The following RGS6 variants were observed in gnomAD, a reference collection of about 807,000 sequenced individuals.
The protein encoded by RGS6 is regulator of G-protein signaling 6.
A neutral mutation model predicts 78.5 loss-of-function variants in RGS6; 30 were observed. The ratio of observed to expected loss-of-function variants is 0.38; its 90% CI spans 0.29 to 0.52. The LOEUF is 0.52. RGS6 is among the 20% of genes least tolerant of loss of function. The pLI, the probability that RGS6 is intolerant of heterozygous loss-of-function variation, is 0.85. For missense variants in RGS6, 495 were observed against 609.7 expected (o/e 0.81, Z 1.98); for synonymous variants, 206 against 206.0 (o/e 1.00, Z 0.00).
chr14:72,158,397 A>G (rs1300187580), intron 2 of RGS6, among the ~76,000 whole-genome samples: 1 of 152,232 alleles, frequency 6.6e-6, no homozygotes, highest in Non-Finnish European at 1.5e-5. Context: ...TCCTGTCTCC[A>G]AAGATGGTCA....
intron 2 of RGS6, among the ~76,000 whole-genome samples, chr14:72,301,180 G>A (rs965761655): frequency 3.9e-5 from 6 of 152,192 alleles, no homozygotes; most frequent in Non-Finnish European, 7.3e-5. Flanking sequence ...CATGTACCGA[G>A]CAGGGGAAAC....
the RGS6 span, among the ~76,000 whole-genome samples, chr14:72,586,401 G>A: frequency 1.2e-4 from 19 of 152,066 alleles, no homozygotes; most frequent in South Asian, 2.1e-4. Context: ...CCTCTCTCTC[G>A]TGCTTCCTCT....
intron 3 of RGS6, among the ~76,000 whole-genome samples, chr14:72,434,132 T>C (rs1457447419): frequency 2.0e-5 from 3 of 152,102 alleles, no homozygotes; most frequent in Admixed American, 1.3e-4. Context: ...GCCCAGGAGT[T>C]TGAGATCAGC....
At chr14:72,595,359 T>C in the RGS6 span, among the ~76,000 whole-genome samples, 1 of 152,220 alleles carries the variant, frequency 6.6e-6, no homozygotes, top group African/African-American at 2.4e-5. Flanking sequence ...CTTTGTATCC[T>C]GGAACTCAAA....
At chr14:72,446,871 C>G (rs2095377995) in intron 3 of RGS6, among the ~76,000 whole-genome samples, 1 of 152,150 alleles carries the variant, frequency 6.6e-6, no homozygotes, top group South Asian at 2.1e-4. Context: ...CACTGCTGAT[C>G]TGACAGGAGG....
At chr14:72,479,586 C>A (rs2096323236) in intron 12 of RGS6, among the ~76,000 whole-genome samples, 2 of 152,192 alleles carry the variant, frequency 1.3e-5, no homozygotes, top group Admixed American at 6.5e-5. Context: ...TGCAAATGTG[C>A]TGGAAAGTTG....
chr14:71,956,786 G>T (rs775314780), intron 1 of RGS6, among the ~76,000 whole-genome samples: 1 of 152,158 alleles, frequency 6.6e-6, no homozygotes, highest in Admixed American at 6.5e-5. Context: ...TTGACACTCA[G>T]TATTAACCAT....
chr14:72,531,310 G>A (rs971108867), intron 15 of RGS6, among the ~76,000 whole-genome samples: 3 of 152,020 alleles, frequency 2.0e-5, no homozygotes, highest in African/African-American at 7.2e-5. Flanking sequence ...GTGCATGCCT[G>A]TAGTCCCAGC....
chr14:72,130,409 A>G (rs779982044), intron 2 of RGS6, among the ~76,000 whole-genome samples: 1 of 152,146 alleles, frequency 6.6e-6, no homozygotes, highest in Admixed American at 6.5e-5. Context: ...ATTTCCCCAG[A>G]GGTCAGGGAC....
intron 2 of RGS6, among the ~76,000 whole-genome samples, chr14:72,165,348 G>T (rs1479457769): frequency 1.3e-5 from 2 of 152,220 alleles, no homozygotes; most frequent in African/African-American, 4.8e-5. Flanking sequence ...GAGAAACAAA[G>T]CAGTGCAGTA....
At chr14:72,295,949 C>T (rs1223122021) in intron 2 of RGS6, among the ~76,000 whole-genome samples, 1 of 152,176 alleles carries the variant, frequency 6.6e-6, no homozygotes, top group African/African-American at 2.4e-5. Flanking sequence ...ACTATACTTA[C>T]GTAACCCACA....
chr14:72,208,344 G>A (rs1017905410), intron 2 of RGS6, among the ~76,000 whole-genome samples: 19 of 152,182 alleles, frequency 1.2e-4, no homozygotes, highest in African/African-American at 4.6e-4. Flanking sequence ...TGGTGATACT[G>A]GGATGAGCCT....
the RGS6 span, among the ~76,000 whole-genome samples, chr14:72,612,987 G>A: frequency 8.1e-6 from 1 of 123,714 alleles, no homozygotes; most frequent in Non-Finnish European, 1.7e-5. Flanking sequence ...GGTTCATTAA[G>A]TAGGGCGTGT....
chr14:72,270,777 C>T (rs1249870862), intron 2 of RGS6, among the ~76,000 whole-genome samples: 1 of 152,190 alleles, frequency 6.6e-6, no homozygotes, highest in African/African-American at 2.4e-5. Context: ...ACCTTTCACG[C>T]AGTTACACCT....
the RGS6 span, among the ~76,000 whole-genome samples, chr14:71,903,442 A>G: frequency 2.6e-5 from 4 of 152,216 alleles, no homozygotes; most frequent in African/African-American, 9.6e-5. Flanking sequence ...GAGGCTCTGG[A>G]TAAAGGTCAT....
At chr14:71,940,588 C>T (rs1187446546) in intron 1 of RGS6, among the ~76,000 whole-genome samples, 1 of 152,216 alleles carries the variant, frequency 6.6e-6, no homozygotes, top group East Asian at 1.9e-4. Context: ...CACTTTGCCT[C>T]TGCTGTCCAT....
intron 17 of RGS6, among the ~76,000 whole-genome samples, chr14:72,553,703 A>C (rs28533161): frequency 0.031 from 4,735 of 152,306 alleles, 250 homozygotes; most frequent in African/African-American, 0.11. Flanking sequence ...CCCTAGCAGA[A>C]CAGGGAATAC....
intron 2 of RGS6, among the ~76,000 whole-genome samples, chr14:72,241,607 T>C (rs773397088): frequency 4.6e-4 from 70 of 152,244 alleles, no homozygotes; most frequent in Non-Finnish European, 7.6e-4. Context: ...GGTTTGATTT[T>C]ACCCCTTAAC....
the RGS6 span, among the ~76,000 whole-genome samples, chr14:72,602,364 T>C: frequency 6.6e-6 from 1 of 152,244 alleles, no homozygotes; most frequent in Admixed American, 6.5e-5. Context: ...TGCTAGGTAC[T>C]ATACACATGT....
Sources: allele counts gnomAD v4.1 joint callset (sites outside exome capture counted in the v4.1 genomes callset), GRCh38; gene constraint gnomAD v4.1.1; transcripts MANE v1.5; gene names NCBI Gene and HGNC (gene_info 2026-07-23, HGNC 2026-07-21).